NSUN7: variants seen among roughly 807,000 people sequenced by gnomAD.
NSUN7 encodes NOP2/Sun RNA methyltransferase family member 7, also known as protein NSUN7.
Under a neutral mutation model 58.5 loss-of-function variants are expected in NSUN7, and 39 were observed. The ratio of observed to expected loss-of-function variants is 0.67; its 90% CI spans 0.52 to 0.87. The LOEUF is 0.87. Ranked by LOEUF, NSUN7 falls within the 40% of genes least tolerant of loss-of-function variation. The pLI is 0.00. For synonymous variants in NSUN7, 278 were observed against 303.7 expected (o/e 0.92, Z 0.88); for missense variants, 765 against 844.1 (o/e 0.91, Z 1.16).
At position 40,809,000 on chromosome 4, in the gene NSUN7, T is replaced by G; in HGVS notation, c.*61T>G. On this transcript the variant is annotated 3_prime_UTR_variant, in exon 12 of 12. Coordinates refer to ENST00000381782, the MANE Select transcript of NSUN7 (RefSeq NM_024677.6). ...TGATTTTTTTTCAAAGTCTAGTATTTCTCTGAAGATTCTACATCTCTACAC... is the reference window on the plus strand; with the variant it reads ...TGATTTTTTTTCAAAGTCTAGTATTGCTCTGAAGATTCTACATCTCTACAC... 1.4e-6 allele frequency: 2 copies of G among 1,418,720 alleles called. No individual in the cohort carries two copies. The highest frequency in any genetic ancestry group is 1.9e-6 in the Non-Finnish European group (2 of 1,078,068). 87.9% of individuals were successfully genotyped at this position (1,418,720 alleles called of 1,614,324 possible). A position where few individuals can be genotyped will look rare whatever the true frequency, so the allele number is the denominator to read the frequency against.
In NSUN7 at chr4:40,808,540, A is replaced by G. The variant is rs1743980469; in HGVS notation, c.1758A>G (p.Lys586=). Residue 586 remains lysine, a synonymous_variant, in exon 12 of 12, where the codon AAA becomes AAG. Coordinates refer to ENST00000381782, the MANE Select transcript of NSUN7 (RefSeq NM_024677.6). Reference sequence around the variant, plus strand: ...CTAATCTATCAGAGACTGTAACAAAACCACCTCTTCCCCAGAAAAATACTG... The same window carrying G: ...CTAATCTATCAGAGACTGTAACAAAGCCACCTCTTCCCCAGAAAAATACTG... ...ASANLSETVT[K]PPLPQKNTAQ... 8 of 1,551,842 alleles carry G rather than the reference A, an allele frequency of 5.2e-6. No individual in the cohort carries two copies. The highest frequency in any genetic ancestry group is 7.0e-6 in the Non-Finnish European group (8 of 1,147,038).
At chr4:40,785,864 G>A (rs998611356) in intron 7 of NSUN7, among the ~76,000 whole-genome samples, 2 of 152,260 alleles carry the variant, frequency 1.3e-5, no homozygotes, top group Non-Finnish European at 2.9e-5. Context: ...TGCATGATAA[G>A]AAGTTAGAAA....
intron 2 of NSUN7, among the ~76,000 whole-genome samples, chr4:40,753,229 TCTCC>T (rs967704346): frequency 4.6e-5 from 7 of 152,006 alleles, no homozygotes; most frequent in African/African-American, 1.7e-4. Context: ...ATTTTTGTCC[TCTCC>T]CTCCTATTTT....
Position 40,779,094 on chromosome 4 carries a change from A to C in NSUN7, c.1036+2835A>C, listed in dbSNP as rs140147114. On this transcript the variant is annotated intron_variant, in intron 7 of 11. Coordinates refer to ENST00000381782, the MANE Select transcript of NSUN7 (RefSeq NM_024677.6). ...GGTAATCCCAGTGCTTTGGGAGGCC[A>C]AGTTAGGAAGAGGCCAGGAGTTTGA... Among the ~76,000 whole-genome samples, 8 of 151,864 alleles carry C rather than the reference A, an allele frequency of 5.3e-5. No individual in the cohort carries two copies. In the East Asian group the frequency reaches 1.5e-3, roughly 29 times the overall value.
intron 7 of NSUN7, among the ~76,000 whole-genome samples, chr4:40,781,421 T>A (rs115310900): frequency 6.6e-6 from 1 of 152,100 alleles, no homozygotes; most frequent in African/African-American, 2.4e-5. Context: ...TGGATTTTTG[T>A]TTATTTCCTA....
chr4:40,806,192 A>C (rs181604129), intron 10 of NSUN7, among the ~76,000 whole-genome samples: 2 of 152,110 alleles, frequency 1.3e-5, no homozygotes, highest in East Asian at 3.9e-4. Context: ...ACGGGGTTTC[A>C]CCATGTTGGC....
rs1274598866 is a variant in NSUN7 at position 40,750,917 on chromosome 4, T to C, written c.224T>C (p.Leu75Pro). ...TTAATCAAGTATGGGAATGAACCCC[T>C]GCGGTCCTTGTCCGAGTCTGAGGAT... ...KVLIKYGNEPLRSLSESEDQS... is the reference protein window; with the variant it reads ...KVLIKYGNEPPRSLSESEDQS... Residue 75 changes from leucine (L) to proline (P), a missense_variant, in exon 2 of 12, where the codon CTG becomes CCG. By Grantham distance (98) the Leu-to-Pro change is moderately conservative (BLOSUM62 -3). Transcript: ENST00000381782. 2 of 1,614,108 alleles carry C rather than the reference T, an allele frequency of 1.2e-6. No individual in the cohort carries two copies. The highest frequency in any genetic ancestry group is 8.5e-7 in the Non-Finnish European group (1 of 1,180,044).
In NSUN7 at chr4:40,768,204, C is replaced by CTT. The variant is rs761378053; in HGVS notation, c.489-6047_489-6046dup. Among the ~76,000 whole-genome samples, 17 of 138,780 alleles carry CTT rather than the reference C, an allele frequency of 1.2e-4. No homozygotes were observed. In the East Asian group the frequency reaches 2.1e-3, roughly 17 times the overall value. 91.0% of individuals were successfully genotyped at this position (138,780 alleles called of 152,430 possible). A position where few individuals can be genotyped will look rare whatever the true frequency, so the allele number is the denominator to read the frequency against. ...GGATAAAGACTAATTCTTTTTTTTT[C>CTT]TTTTTTTTTTTTTTTGAGACGGACT... On this transcript the variant is annotated intron_variant, in intron 4 of 11. Coordinates refer to ENST00000381782, the MANE Select transcript of NSUN7 (RefSeq NM_024677.6).
intron 7 of NSUN7, among the ~76,000 whole-genome samples, chr4:40,789,522 C>A (rs1200610176): frequency 7.0e-6 from 1 of 141,848 alleles, no homozygotes; most frequent in Non-Finnish European, 1.5e-5. Context: ...AAGATTTTAT[C>A]CTTTTAGAGA....
In NSUN7 at chr4:40,775,616, C is replaced by CA. The variant is rs1742225480; in HGVS notation, c.826-431dup. On this transcript the variant is annotated intron_variant, in intron 6 of 11. Transcript: ENST00000381782. This position sits in a 1 kb window ranked among gnomAD's most constrained non-coding sequence, Gnocchi z 4.3. ...GATCAACTGCAGAAGCCCAACCTGT[C>CA]AAGCCCCCTTTGATGAGCTTCTCAA... 6.6e-6 allele frequency among the ~76,000 whole-genome samples: 1 copy of CA among 152,156 alleles called. No homozygotes were observed.
intron 7 of NSUN7, among the ~76,000 whole-genome samples, chr4:40,781,431 ATTTG>A (rs765786930): frequency 4.0e-5 from 6 of 151,494 alleles, no homozygotes; most frequent in Admixed American, 6.6e-5. Context: ...TTTATTTCCT[ATTTG>A]TTTGTTTGTT....
At chr4:40,753,651 T>C (rs527269258) in intron 2 of NSUN7, among the ~76,000 whole-genome samples, 1 of 152,340 alleles carries the variant, frequency 6.6e-6, no homozygotes, top group Non-Finnish European at 1.5e-5. Flanking sequence ...TAAGGTAAGA[T>C]GGTATTGTTT....
intron 10 of NSUN7, among the ~76,000 whole-genome samples, chr4:40,805,541 C>A (rs957671951): frequency 7.2e-5 from 11 of 152,242 alleles, no homozygotes; most frequent in Non-Finnish European, 1.3e-4. Flanking sequence ...ATATCCCTAT[C>A]TTCGGGGTAA....
chr4:40,788,033 C>A (rs1742913843), intron 7 of NSUN7, among the ~76,000 whole-genome samples: 1 of 152,132 alleles, frequency 6.6e-6, no homozygotes, highest in African/African-American at 2.4e-5. Context: ...TGGGGTTTCA[C>A]CATGTTGGTC....
intron 7 of NSUN7, chr4:40,786,616 G>T: frequency 1.2e-6 from 2 of 1,612,608 alleles, no homozygotes; most frequent in Non-Finnish European, 1.7e-6. Flanking sequence ...GCCTACCTGT[G>T]CAATCATAGG....
At position 40,776,186 on chromosome 4, in the gene NSUN7, ATT is replaced by A; in HGVS notation, c.965_966del (p.Phe322CysfsTer9). 1 of 1,612,778 alleles carries A rather than the reference ATT, an allele frequency of 6.2e-7. No individual in the cohort carries two copies. Among genetic ancestry groups the A allele is most frequent in the East Asian group, 2.2e-5 (1 of 44,770 alleles). ...TAACAAATAATAATACCTCAAAAGT[ATT>A]TGTGTGTGGAGTACAATCACAAGCT... Reference protein sequence around the residue: ...ILTNNNTSKVFVCGVQSQAKD... With the variant: ...ILTNNNTSKVXVCGVQSQAKD... On this transcript the variant is annotated frameshift_variant, in exon 7 of 12. Coordinates refer to ENST00000381782, the MANE Select transcript of NSUN7 (RefSeq NM_024677.6). LOFTEE classifies it high-confidence loss of function.
Position 40,785,201 on chromosome 4 carries a change from AT to A in NSUN7, c.1037-5387del, listed in dbSNP as rs34585824. Among the ~76,000 whole-genome samples, 445 of 138,366 alleles carry A rather than the reference AT, an allele frequency of 3.2e-3. 1 individual carries two copies. Among genetic ancestry groups the A allele is most frequent in the South Asian group, 8.7e-3 (38 of 4,364 alleles). The allele number at this position is 138,366 out of a possible 152,430, so 90.8% of individuals were successfully genotyped here. ...TAGGCACATACCACCACTCTCAGCT[AT>A]TTTTTTTTTTTTTGGTAGAGACAAG... On this transcript the variant is annotated intron_variant, in intron 7 of 11. Transcript: ENST00000381782.
intron 7 of NSUN7, among the ~76,000 whole-genome samples, chr4:40,785,446 G>A (rs1361226282): frequency 2.0e-5 from 3 of 152,016 alleles, no homozygotes; most frequent in Non-Finnish European, 4.4e-5. Flanking sequence ...TGCAACCTCC[G>A]CCTCCCAGGT....
intron 2 of NSUN7, among the ~76,000 whole-genome samples, chr4:40,753,621 G>A (rs1428473276): frequency 6.6e-6 from 1 of 151,954 alleles, no homozygotes; most frequent in Non-Finnish European, 1.5e-5. Flanking sequence ...TGAAACGTTC[G>A]TTTTTATAAG....
Sources: allele counts gnomAD v4.1 joint callset (sites outside exome capture counted in the v4.1 genomes callset), GRCh38; gene constraint gnomAD v4.1.1; non-coding constraint Gnocchi (gnomAD v3.1); transcripts MANE v1.5; gene names NCBI Gene and HGNC (gene_info 2026-07-23, HGNC 2026-07-21).